ROR1: variants seen among roughly 807,000 people sequenced by gnomAD.
The protein encoded by ROR1 is ROR family WNT receptor 1, also known as inactive tyrosine-protein kinase transmembrane receptor ROR1.
A neutral mutation model predicts 78.8 loss-of-function variants in ROR1; 19 were observed. That is an observed-to-expected ratio of 0.24 (90% CI 0.17 to 0.35). ROR1 has a LOEUF of 0.35. ROR1 is among the 10% of genes least tolerant of loss of function. The pLI is 1.00. For missense variants in ROR1, 917 were observed against 1,177.8 expected, an observed-to-expected ratio of 0.78 and a Z score of 3.24; for synonymous variants, 386 against 433.6, an observed-to-expected ratio of 0.89 and a Z score of 1.36.
intron 4 of ROR1, among the ~76,000 whole-genome samples, chr1:64,131,307 A>G (rs777174346): frequency 6.6e-6 from 1 of 152,126 alleles, no homozygotes; most frequent in Non-Finnish European, 1.5e-5. Flanking sequence ...CTCTGTCCCT[A>G]TGAGGCTGCC....
At chr1:64,149,131 C>T (rs1401685891) in intron 7 of ROR1, among the ~76,000 whole-genome samples, 1 of 152,176 alleles carries the variant, frequency 6.6e-6, no homozygotes, top group Admixed American at 6.5e-5. Context: ...GCTAAGATAT[C>T]TGTGCCGGCA....
intron 1 of ROR1, among the ~76,000 whole-genome samples, chr1:63,944,044 T>A (rs1371838054): frequency 6.6e-6 from 1 of 152,198 alleles, no homozygotes; most frequent in African/African-American, 2.4e-5. Flanking sequence ...GTGAAAGCAG[T>A]TGAATGATCT....
At chr1:63,819,869 A>T (rs569476429) in intron 1 of ROR1, among the ~76,000 whole-genome samples, 3 of 152,318 alleles carry the variant, frequency 2.0e-5, no homozygotes, top group African/African-American at 7.2e-5. Context: ...AGTTCATAGT[A>T]CTTGGCGATA....
intron 1 of ROR1, among the ~76,000 whole-genome samples, chr1:63,903,738 C>T (rs1278917003): frequency 6.6e-6 from 1 of 151,558 alleles, no homozygotes; most frequent in Non-Finnish European, 1.5e-5. Context: ...CTATATATAT[C>T]TATATAGTTG....
intron 1 of ROR1, among the ~76,000 whole-genome samples, chr1:63,929,405 C>T (rs1417979766): frequency 5.9e-5 from 9 of 152,072 alleles, no homozygotes; most frequent in Admixed American, 5.9e-4. Context: ...TCCCAGAGTT[C>T]TCCTAGCAGA....
intron 1 of ROR1, among the ~76,000 whole-genome samples, chr1:63,932,457 G>C (rs1418794480): frequency 6.6e-6 from 1 of 152,124 alleles, no homozygotes; most frequent in Non-Finnish European, 1.5e-5. Context: ...AAGGCTGTTG[G>C]GTGCTGTATG....
intron 1 of ROR1, among the ~76,000 whole-genome samples, chr1:63,924,168 C>T (rs1293775277): frequency 2.0e-5 from 3 of 152,064 alleles, no homozygotes; most frequent in African/African-American, 7.2e-5. Flanking sequence ...ACATTCTCTC[C>T]CCCAGTGACT....
chr1:63,809,735 G>A (rs1031286619), intron 1 of ROR1, among the ~76,000 whole-genome samples: 1 of 152,180 alleles, frequency 6.6e-6, no homozygotes, highest in African/African-American at 2.4e-5. Context: ...AAGGGGCATG[G>A]GATCCTGAAA....
chr1:64,155,687 C>T (rs6682140), intron 7 of ROR1, among the ~76,000 whole-genome samples: 1 of 151,948 alleles, frequency 6.6e-6, no homozygotes, highest in African/African-American at 2.4e-5. Context: ...AGGTGAGGCC[C>T]TACTTTCTCT....
Position 64,178,291 on chromosome 1 carries a change from G to A in ROR1, c.2250G>A (p.Glu750=). 1 of 1,614,118 alleles carries A rather than the reference G, an allele frequency of 6.2e-7. No homozygotes were observed. ...TTCACGTCCGGCTTCGGTCCTGGGA[G>A]GGACTCTCAAGTCACACAAGCTCTA... The part of the protein sequence containing the change: ...KDIHVRLRSW[E]GLSSHTSSTT... Residue 750 remains glutamate (E), a synonymous_variant, in exon 9 of 9, where the codon GAG becomes GAA. Transcript: ENST00000371079. The surrounding 1 kb of genome is among the most constrained non-coding windows in gnomAD (Gnocchi z 4.3).
intron 4 of ROR1, among the ~76,000 whole-genome samples, chr1:64,122,258 T>C (rs1483479139): frequency 2.0e-5 from 3 of 152,206 alleles, no homozygotes; most frequent in Non-Finnish European, 2.9e-5. Context: ...AGGTGGAACT[T>C]TCATTAAAAT....
At chr1:63,883,041 T>C (rs78063198) in intron 1 of ROR1, among the ~76,000 whole-genome samples, 6,998 of 152,200 alleles carry the variant, frequency 0.046, 529 homozygotes, top group African/African-American at 0.16. Context: ...CAGCTCAGGT[T>C]CTCAATGAAG....
At chr1:64,017,597 A>G (rs889695704) in intron 2 of ROR1, among the ~76,000 whole-genome samples, 1 of 152,084 alleles carries the variant, frequency 6.6e-6, no homozygotes, top group Non-Finnish European at 1.5e-5. Flanking sequence ...CTCACCATGT[A>G]GGGGTCTTTC....
At chr1:63,910,834 T>C (rs1295815798) in intron 1 of ROR1, among the ~76,000 whole-genome samples, 1 of 152,210 alleles carries the variant, frequency 6.6e-6, no homozygotes, top group East Asian at 1.9e-4. Context: ...AACAAGGACG[T>C]GCATCCAGCC....
intron 2 of ROR1, among the ~76,000 whole-genome samples, chr1:64,028,273 T>A (rs930284425): frequency 2.0e-5 from 3 of 152,186 alleles, no homozygotes; most frequent in Admixed American, 1.3e-4. Flanking sequence ...CATAAATAAG[T>A]AATATGCATC....
intron 7 of ROR1, among the ~76,000 whole-genome samples, chr1:64,152,628 C>T (rs932282610): frequency 6.6e-6 from 1 of 152,160 alleles, no homozygotes; most frequent in African/African-American, 2.4e-5. Flanking sequence ...ATTTTATAAA[C>T]AAGATCTTTA....
At chr1:64,045,054 T>C (rs976607624) in intron 2 of ROR1, among the ~76,000 whole-genome samples, 7 of 152,196 alleles carry the variant, frequency 4.6e-5, no homozygotes, top group African/African-American at 1.7e-4. Flanking sequence ...ACAAGATAAA[T>C]CAATCCATTA....
chr1:64,036,102 C>T (rs1045609987), intron 2 of ROR1, among the ~76,000 whole-genome samples: 2 of 152,178 alleles, frequency 1.3e-5, no homozygotes, highest in African/African-American at 4.8e-5. Context: ...TAGCCTTATC[C>T]TCACATTAGA....
rs1045391946 is a variant in ROR1 at position 64,181,036 on chromosome 1, A to C, written c.*2181A>C. 6.6e-6 allele frequency: 1 copy of C among 152,148 alleles called. No homozygotes were observed. The highest frequency in any genetic ancestry group is 1.5e-5 in the Non-Finnish European group (1 of 67,964). 9.4% of individuals were successfully genotyped at this position (152,148 alleles called of 1,614,324 possible). On this transcript the variant is annotated 3_prime_UTR_variant, in exon 9 of 9. Coordinates refer to ENST00000371079, the MANE Select transcript of ROR1 (RefSeq NM_005012.4). ...TATATAACACAGTCTCTTTTGTATT[A>C]AAATAGTATTTTTTTCACAAGCTGA...
Sources: allele counts gnomAD v4.1 joint callset (sites outside exome capture counted in the v4.1 genomes callset), GRCh38; gene constraint gnomAD v4.1.1; non-coding constraint Gnocchi (gnomAD v3.1); transcripts MANE v1.5; gene names NCBI Gene and HGNC (gene_info 2026-07-23, HGNC 2026-07-21).